The following SV2C variants were observed in gnomAD, a reference collection of about 807,000 sequenced individuals.
SV2C encodes synaptic vesicle glycoprotein 2C.
Under a neutral mutation model 79.7 loss-of-function variants are expected in SV2C, and 49 were observed. The observed-to-expected ratio is 0.61, with a 90% CI of 0.49 to 0.78. SV2C has a LOEUF of 0.78. Among genes scored for constraint, SV2C ranks in the 30% least tolerant of loss-of-function variants. SV2C has a pLI of 0.00. For synonymous variants in SV2C, 334 were observed against 333.2 expected, an observed-to-expected ratio of 1.00 and a Z score of -0.03; for missense variants, 833 against 912.9, an observed-to-expected ratio of 0.91 and a Z score of 1.13.
chr5:75,920,953 C>T, the SV2C span: 43 of 721,746 alleles, frequency 6.0e-5, 2 homozygotes, highest in South Asian at 6.6e-4. Flanking sequence ...TGATGATGGC[C>T]CGGCCCCTGA....
Position 76,325,370 on chromosome 5 carries a change from AGGCTTT to A in SV2C, c.2013_2018del (p.Gly672_Phe673del). The A allele has an allele frequency of 6.2e-7, 1 of 1,614,112 alleles. No homozygotes were observed. The highest frequency in any genetic ancestry group is 8.5e-7 in the Non-Finnish European group (1 of 1,179,988). On this transcript the variant is annotated inframe_deletion, in exon 13 of 13. Coordinates refer to ENST00000502798, the MANE Select transcript of SV2C (RefSeq NM_014979.4). Reference sequence around the variant, plus strand: ...ATGTCTCTTTCCTTTGCAGGGCAACAGGCTTTGGCTTCTTAAATGCGCTATGCAAGG... The same window carrying A: ...ATGTCTCTTTCCTTTGCAGGGCAACAGGCTTCTTAAATGCGCTATGCAAGG...
chr5:76,335,972 G>A (rs983426743), downstream of SV2C, among the ~76,000 whole-genome samples: 4 of 152,074 alleles, frequency 2.6e-5, no homozygotes, highest in Non-Finnish European at 5.9e-5. Context: ...TGGGCAGAGG[G>A]GCTCCTCACT....
the SV2C span, among the ~76,000 whole-genome samples, chr5:76,074,814 T>C: frequency 1.3e-5 from 2 of 152,194 alleles, no homozygotes; most frequent in Admixed American, 6.5e-5. Context: ...GTCAAACACA[T>C]TCTATGATGT....
intron 2 of SV2C, among the ~76,000 whole-genome samples, chr5:76,161,427 TTC>T (rs749955329): frequency 6.6e-6 from 1 of 152,146 alleles, no homozygotes; most frequent in Non-Finnish European, 1.5e-5. Flanking sequence ...TTCTGTTTTC[TTC>T]TCTCTCTGTC....
chr5:76,094,519 A>T (rs1032730793), intron 1 of SV2C, among the ~76,000 whole-genome samples: 7 of 152,176 alleles, frequency 4.6e-5, no homozygotes, highest in Non-Finnish European at 7.4e-5. Flanking sequence ...TGCTGAATGC[A>T]TAGTATTACA....
chr5:75,945,281 T>C, the SV2C span, among the ~76,000 whole-genome samples: 1 of 152,016 alleles, frequency 6.6e-6, no homozygotes, highest in African/African-American at 2.4e-5. Context: ...ATAGAAAGTT[T>C]CATGGAATTA....
At chr5:76,272,592 GT>G (rs951656859) in intron 4 of SV2C, among the ~76,000 whole-genome samples, 3 of 152,164 alleles carry the variant, frequency 2.0e-5, no homozygotes, top group Non-Finnish European at 2.9e-5. Flanking sequence ...ACTAACTGCA[GT>G]TTAGAAGGTG....
At position 76,329,743 on chromosome 5, in the gene SV2C, C is replaced by T. The variant is rs1429882278; in HGVS notation, c.*4196C>T. ...TTTTTTCTGTTTGATGTCAAAATGG[C>T]CTTTACCTATTTCTTCAGTAATATA... is the stretch of plus-strand genomic sequence containing the variant. On this transcript the variant is annotated 3_prime_UTR_variant, in exon 13 of 13. Coordinates refer to ENST00000502798, the MANE Select transcript of SV2C (RefSeq NM_014979.4). The T allele has an allele frequency of 1.3e-5, 2 of 152,068 alleles. No individual in the cohort carries two copies. Among genetic ancestry groups the T allele is most frequent in the Non-Finnish European group, 2.9e-5 (2 of 68,008 alleles). 9.4% of individuals were successfully genotyped at this position (152,068 alleles called of 1,614,324 possible).
At chr5:76,285,935 A>G (rs1224694920) in intron 6 of SV2C, 65 bp downstream of exon 6, 1 of 1,477,332 alleles carries the variant, frequency 6.8e-7, no homozygotes, top group African/African-American at 1.4e-5. Flanking sequence ...TCAAGGGAAA[A>G]ATTGTAAATA....
chr5:75,890,705 A>G, the SV2C span, among the ~76,000 whole-genome samples: 1 of 152,054 alleles, frequency 6.6e-6, no homozygotes, highest in East Asian at 1.9e-4. Flanking sequence ...TAATGAAGTG[A>G]GCATAGGAAT....
chr5:75,966,556 A>G, the SV2C span, among the ~76,000 whole-genome samples: 1 of 152,228 alleles, frequency 6.6e-6, no homozygotes, highest in African/African-American at 2.4e-5. Flanking sequence ...TGCTACAGCA[A>G]CACCCAGAAG....
chr5:75,849,182 G>C, the SV2C span, among the ~76,000 whole-genome samples: 1 of 152,196 alleles, frequency 6.6e-6, no homozygotes, highest in Non-Finnish European at 1.5e-5. Context: ...TGAGTAAGTT[G>C]GGGTGGAACT....
At chr5:76,240,222 C>T (rs1435406889) in intron 4 of SV2C, among the ~76,000 whole-genome samples, 2 of 152,208 alleles carry the variant, frequency 1.3e-5, no homozygotes, top group African/African-American at 4.8e-5. Flanking sequence ...CCAAGGGAGA[C>T]TGCATTCCCA....
intron 2 of SV2C, among the ~76,000 whole-genome samples, chr5:76,174,620 T>G (rs1743465721): frequency 6.6e-6 from 1 of 152,218 alleles, no homozygotes; most frequent in African/African-American, 2.4e-5. Context: ...ATACGTCAAA[T>G]TTTTTAGGCC....
rs746562147 is a variant in SV2C at position 76,301,433 on chromosome 5, G to C, written c.1888G>C (p.Gly630Arg). The C allele has an allele frequency of 1.9e-6, 3 of 1,613,858 alleles. No homozygotes were observed. In the South Asian group the frequency reaches 3.3e-5, roughly 18 times the overall value. Residue 630 changes from glycine (G) to arginine (R), a missense_variant, in exon 12 of 13, where the codon GGC becomes CGC. Transcript: ENST00000502798. The part of the protein sequence containing the change: ...SGISCFFLWF[G>R]TSESMMIGML... The stretch of plus-strand genomic sequence containing the variant: ...GATCAGCTGTTTCTTCCTTTGGTTC[G>C]GCACCAGTGAATCCATGATGATAGG...
At chr5:76,131,352 C>T (rs1428933990) in intron 1 of SV2C, among the ~76,000 whole-genome samples, 2 of 152,086 alleles carry the variant, frequency 1.3e-5, no homozygotes, top group East Asian at 3.9e-4. Context: ...ATGCAAGATG[C>T]TCTGTTTTAT....
the SV2C span, among the ~76,000 whole-genome samples, chr5:76,053,210 T>G: frequency 1.3e-5 from 2 of 152,206 alleles, no homozygotes; most frequent in East Asian, 3.8e-4. Context: ...AGCTGACCTT[T>G]TTTGTTCCAA....
At chr5:76,100,591 C>CAAGGGATAT (rs1747708968) in intron 1 of SV2C, among the ~76,000 whole-genome samples, 1 of 152,174 alleles carries the variant, frequency 6.6e-6, no homozygotes, top group Non-Finnish European at 1.5e-5. Flanking sequence ...CTCCCTTGTG[C>CAAGGGATAT]AAGGGATATG....
the SV2C span, among the ~76,000 whole-genome samples, chr5:75,861,482 A>G: frequency 2.0e-5 from 3 of 152,236 alleles, no homozygotes; most frequent in East Asian, 5.8e-4. Context: ...GTATATATCC[A>G]AAGGAAAATA....
Sources: gnomAD v4.1 joint callset for allele counts (sites outside exome capture counted in the v4.1 genomes callset) on GRCh38, gnomAD v4.1.1 for gene constraint, MANE v1.5 for transcripts, NCBI Gene and HGNC (gene_info 2026-07-23, HGNC 2026-07-21) for gene names.